NBL1: variants seen among roughly 807,000 people sequenced by gnomAD.
NBL1 encodes neuroblastoma suppressor of tumorigenicity 1.
NBL1 carries 9 observed loss-of-function variants against 16.0 expected under a neutral mutation model. The ratio of observed to expected loss-of-function variants is 0.56; its 90% CI spans 0.34 to 0.98. The LOEUF (loss-of-function observed/expected upper bound fraction) is 0.98, where lower values mean the gene tolerates loss of function less well. Ranked by LOEUF, NBL1 falls within the 50% of genes least tolerant of loss-of-function variation. NBL1 has a pLI of 0.02. For missense variants in NBL1, 196 were observed against 243.1 expected (o/e 0.81, Z 1.29); for synonymous variants, 86 against 100.7 (o/e 0.85, Z 0.87).
upstream of NBL1, chr1:19,644,232 C>T: frequency 1.0e-6 from 1 of 977,240 alleles, no homozygotes; most frequent in Admixed American, 6.3e-5. This position sits in a 1 kb window ranked among gnomAD's most constrained non-coding sequence, Gnocchi z 4.6. Flanking sequence ...TCCCCGCTGC[C>T]CCCGCCCTCG....
At chr1:19,645,025 C>G (rs2094970166) in intron 1 of NBL1, among the ~76,000 whole-genome samples, 1 of 151,778 alleles carries the variant, frequency 6.6e-6, no homozygotes, top group African/African-American at 2.4e-5. Flanking sequence ...CTCTCCCTCT[C>G]TCTGTCTCTG....
intron 1 of NBL1, among the ~76,000 whole-genome samples, chr1:19,651,985 C>T (rs1189214179): frequency 1.3e-5 from 2 of 152,130 alleles, no homozygotes; most frequent in Non-Finnish European, 2.9e-5. Context: ...TCAAGTGGTC[C>T]TCCCGCTTTG....
intron 1 of NBL1, chr1:19,645,860 T>C: frequency 3.3e-6 from 5 of 1,521,606 alleles, no homozygotes; most frequent in Non-Finnish European, 4.4e-6. Flanking sequence ...TGAGTTTAGC[T>C]GCTTCCCCCC....
At chr1:19,646,988 G>A (rs2094984465) in intron 1 of NBL1, among the ~76,000 whole-genome samples, 1 of 152,240 alleles carries the variant, frequency 6.6e-6, no homozygotes, top group South Asian at 2.1e-4. Context: ...GCAGGCAGAG[G>A]CCAGGGAGGA....
At chr1:19,654,897 A>G in intron 1 of NBL1, 115 bp from the exon 2 acceptor site, 2 of 1,348,424 alleles carry the variant, frequency 1.5e-6, no homozygotes, top group Non-Finnish European at 2.0e-6. Flanking sequence ...TTGGTTAGTA[A>G]GTGGGAGAGC....
intron 1 of NBL1, among the ~76,000 whole-genome samples, chr1:19,648,291 G>GA (rs1007554605): frequency 6.6e-6 from 1 of 152,194 alleles, no homozygotes; most frequent in Non-Finnish European, 1.5e-5. Flanking sequence ...GTGGGCTGGG[G>GA]GGCCTCAGTG....
upstream of NBL1, chr1:19,643,983 G>T (rs1305372577): frequency 6.1e-6 from 6 of 985,452 alleles, no homozygotes; most frequent in Non-Finnish European, 7.2e-6. The surrounding 1 kb of genome is among the most constrained non-coding windows in gnomAD (Gnocchi z 4.7). Context: ...GAGTGGAAGC[G>T]CAGAGAAACC....
At chr1:19,647,697 G>A in intron 1 of NBL1, 2 of 985,102 alleles carry the variant, frequency 2.0e-6, no homozygotes, top group Non-Finnish European at 2.4e-6. Flanking sequence ...CCATCAGCTG[G>A]GGCCAAGTGT....
intron 1 of NBL1, chr1:19,647,625 C>T (rs939943293): frequency 7.4e-5 from 73 of 985,262 alleles, no homozygotes; most frequent in African/African-American, 3.0e-4. Context: ...GCTGCGTGCT[C>T]GTTGTGCATG....
chr1:19,654,126 C>T (rs546994885), intron 1 of NBL1, among the ~76,000 whole-genome samples: 1 of 152,290 alleles, frequency 6.6e-6, no homozygotes, highest in South Asian at 2.1e-4. Context: ...GAATTCACTG[C>T]AGGCCAGGTG....
intron 1 of NBL1, among the ~76,000 whole-genome samples, chr1:19,653,218 G>A (rs953941751): frequency 6.7e-6 from 1 of 150,240 alleles, no homozygotes; most frequent in Admixed American, 6.6e-5. Flanking sequence ...CCCAGGAGGC[G>A]GAGCTTGCAG....
chr1:19,649,415 G>A (rs1010188924), intron 1 of NBL1, among the ~76,000 whole-genome samples: 2 of 152,078 alleles, frequency 1.3e-5, no homozygotes, highest in African/African-American at 4.8e-5. Context: ...CTGGAGTGCA[G>A]TGGTGCAATC....
chr1:19,644,943 G>GC lies in NBL1; in HGVS notation c.-20+500dup, dbSNP rs1558358755. Among the ~76,000 whole-genome samples the GC allele has an allele frequency of 6.6e-6, 1 of 152,124 alleles. No individual in the cohort carries two copies. Among genetic ancestry groups the GC allele is most frequent in the Non-Finnish European group, 1.5e-5 (1 of 68,018 alleles). ...TCCGCCGCTCACTTTCCCCTGGTCT[G>GC]CCCGTCTCTTTCCGTTCCCCGCCTG... On this transcript the variant is annotated intron_variant, in intron 1 of 3. Coordinates refer to ENST00000375136, the MANE Select transcript of NBL1 (RefSeq NM_005380.8). The surrounding 1 kb of genome is among the most constrained non-coding windows in gnomAD (Gnocchi z 4.6).
upstream of NBL1, chr1:19,643,552 T>C: frequency 1.4e-6 from 2 of 1,442,584 alleles, no homozygotes; most frequent in South Asian, 1.4e-5. The surrounding 1 kb of genome is among the most constrained non-coding windows in gnomAD (Gnocchi z 4.7). Flanking sequence ...AAGTGCCCAC[T>C]GATTAGATAG....
chr1:19,643,789 G>A, upstream of NBL1: 3 of 1,012,844 alleles, frequency 3.0e-6, no homozygotes, highest in Non-Finnish European at 3.5e-6. This position sits in a 1 kb window ranked among gnomAD's most constrained non-coding sequence, Gnocchi z 4.7. Flanking sequence ...GCATGCCGGA[G>A]CGGACGGGAT....
intron 1 of NBL1, among the ~76,000 whole-genome samples, chr1:19,652,024 T>A (rs188430696): frequency 6.6e-6 from 1 of 152,266 alleles, no homozygotes; most frequent in Non-Finnish European, 1.5e-5. Context: ...ATTACAGGTG[T>A]GAGCCACCAT....
At chr1:19,645,379 A>G in intron 1 of NBL1, 1 of 986,412 alleles carries the variant, frequency 1.0e-6, no homozygotes. Context: ...ATCGTTTACA[A>G]GCGGCGGCAA....
At chr1:19,643,362 G>C, upstream of NBL1, 1 of 1,614,024 alleles carries the variant, frequency 6.2e-7, no homozygotes, top group Non-Finnish European at 8.5e-7. The surrounding 1 kb of genome is among the most constrained non-coding windows in gnomAD (Gnocchi z 4.7). Context: ...CTATCTGGAA[G>C]TTTCCAGCCA....
upstream of NBL1, chr1:19,643,231 A>C (rs2094959109): frequency 7.4e-7 from 1 of 1,346,962 alleles, no homozygotes; most frequent in Non-Finnish European, 1.1e-6. The surrounding 1 kb of genome is among the most constrained non-coding windows in gnomAD (Gnocchi z 4.7). Context: ...TAGGAGGCGC[A>C]GATGCAGGCT....
Sources: gnomAD v4.1 joint callset for allele counts (sites outside exome capture counted in the v4.1 genomes callset) on GRCh38, gnomAD v4.1.1 for gene constraint, Gnocchi (gnomAD v3.1) non-coding constraint, MANE v1.5 for transcripts, NCBI Gene and HGNC (gene_info 2026-07-23, HGNC 2026-07-21) for gene names.